The following CFAP61 variants were observed in gnomAD, a reference collection of about 807,000 sequenced individuals.
CFAP61 encodes cilia- and flagella-associated protein 61.
CFAP61 carries 107 observed loss-of-function variants against 135.6 expected under a neutral mutation model. The ratio of observed to expected loss-of-function variants is 0.79; its 90% CI spans 0.67 to 0.93. CFAP61 has a LOEUF of 0.93. CFAP61 is among the 40% of genes least tolerant of loss of function. CFAP61 has a pLI of 0.00. For synonymous variants in CFAP61, 575 were observed against 578.5 expected (o/e 0.99, Z 0.09); for missense variants, 1,507 against 1,556.2 (o/e 0.97, Z 0.53).
intron 25 of CFAP61, among the ~76,000 whole-genome samples, chr20:20,308,047 T>C (rs541906062): frequency 1.9e-3 from 283 of 152,362 alleles, no homozygotes; most frequent in Middle Eastern, 0.01. Context: ...TCATGCATTG[T>C]CGATAATCAC....
At chr20:20,085,532 T>C in intron 6 of CFAP61, 1 of 1,366,406 alleles carries the variant, frequency 7.3e-7, no homozygotes, top group Middle Eastern at 2.1e-4. Context: ...AGAATTCGTG[T>C]TGAGGTATGA....
At chr20:20,180,985 A>T (rs2055021660) in intron 13 of CFAP61, among the ~76,000 whole-genome samples, 1 of 151,892 alleles carries the variant, frequency 6.6e-6, no homozygotes, top group African/African-American at 2.4e-5. Flanking sequence ...GAGGGGAAAA[A>T]CAGACACTGG....
intron 18 of CFAP61, among the ~76,000 whole-genome samples, chr20:20,242,567 T>C (rs1004510360): frequency 6.6e-6 from 1 of 152,232 alleles, no homozygotes; most frequent in African/African-American, 2.4e-5. Flanking sequence ...ATGAGCTTTG[T>C]AACCTTGAAC....
chr20:20,167,771 A>G (rs2053941052), intron 12 of CFAP61, among the ~76,000 whole-genome samples: 1 of 152,184 alleles, frequency 6.6e-6, no homozygotes, highest in Non-Finnish European at 1.5e-5. Context: ...AGGTCAGACA[A>G]TGGTTCACTC....
intron 8 of CFAP61, among the ~76,000 whole-genome samples, chr20:20,106,966 C>T (rs554039347): frequency 1.4e-4 from 22 of 152,240 alleles, no homozygotes; most frequent in South Asian, 1.0e-3. Flanking sequence ...CTAGAAAACA[C>T]GGTGATAGGG....
chr20:20,293,313 T>C (rs1367483476), intron 24 of CFAP61, among the ~76,000 whole-genome samples: 2 of 152,222 alleles, frequency 1.3e-5, no homozygotes, highest in Non-Finnish European at 2.9e-5. Context: ...AATAGATTCT[T>C]TGGCTGGTGC....
chr20:20,203,716 TG>T (rs1423739247), intron 17 of CFAP61, among the ~76,000 whole-genome samples: 1 of 152,194 alleles, frequency 6.6e-6, no homozygotes, highest in Non-Finnish European at 1.5e-5. Flanking sequence ...ACACTTATTT[TG>T]AGGGTGGGTC....
intron 21 of CFAP61, among the ~76,000 whole-genome samples, chr20:20,267,281 C>T (rs930006510): frequency 3.3e-5 from 5 of 152,182 alleles, no homozygotes; most frequent in African/African-American, 4.8e-5. Context: ...CTGTGAAGGG[C>T]AGCAGCAGGA....
chr20:20,128,383 A>G (rs971163534), intron 8 of CFAP61, among the ~76,000 whole-genome samples: 3 of 151,262 alleles, frequency 2.0e-5, no homozygotes, highest in Non-Finnish European at 4.4e-5. Flanking sequence ...CTACCCCTAT[A>G]TTTCGCTCAG....
chr20:20,056,925 C>T, intron 2 of CFAP61, 129 bp downstream of exon 2: 1 of 769,820 alleles, frequency 1.3e-6, no homozygotes. Flanking sequence ...CAAGACCAGC[C>T]TGGCCGACAT....
Position 20,106,553 on chromosome 20 carries a change from A to G in CFAP61, c.859+7739A>G, listed in dbSNP as rs548489354. 9.8e-5 allele frequency among the ~76,000 whole-genome samples: 15 copies of G among 152,288 alleles called. No homozygotes were observed. In the South Asian group the frequency reaches 1.5e-3, roughly 15 times the overall value. On this transcript the variant is annotated intron_variant, in intron 8 of 26. Coordinates refer to ENST00000245957, the MANE Select transcript of CFAP61 (RefSeq NM_015585.4). ...GGTGGAAATACAAGCGCATTTTTGT[A>G]TGGGGCCTGGAGGTCTTCAGAAGAA...
At chr20:20,341,197 T>A (rs1054597430) in intron 25 of CFAP61, among the ~76,000 whole-genome samples, 1 of 152,144 alleles carries the variant, frequency 6.6e-6, no homozygotes, top group Non-Finnish European at 1.5e-5. Context: ...AAAATACCAA[T>A]AAGAGTTCTT....
chr20:20,113,754 A>G (rs138061717), intron 8 of CFAP61, among the ~76,000 whole-genome samples: 1 of 152,182 alleles, frequency 6.6e-6, no homozygotes, highest in African/African-American at 2.4e-5. Flanking sequence ...CTTTCCCCCT[A>G]TTGCAGTACC....
intron 13 of CFAP61, among the ~76,000 whole-genome samples, chr20:20,185,695 G>A (rs2055447032): frequency 6.6e-6 from 1 of 152,202 alleles, no homozygotes; most frequent in South Asian, 2.1e-4. Flanking sequence ...TATCTTAAAT[G>A]TGTTGTCTGA....
chr20:20,119,129 C>T (rs934212625), intron 8 of CFAP61, among the ~76,000 whole-genome samples: 1 of 151,938 alleles, frequency 6.6e-6, no homozygotes, highest in Non-Finnish European at 1.5e-5. Flanking sequence ...TAATGCTGTC[C>T]TCATACAATG....
chr20:20,230,832 G>A (rs1211896609), intron 18 of CFAP61, among the ~76,000 whole-genome samples: 5 of 152,162 alleles, frequency 3.3e-5, no homozygotes, highest in East Asian at 3.9e-4. Flanking sequence ...CTAGGATTAC[G>A]GGCAGGGGCC....
At chr20:20,068,386 G>C (rs1430377675) in intron 2 of CFAP61, among the ~76,000 whole-genome samples, 2 of 152,218 alleles carry the variant, frequency 1.3e-5, no homozygotes, top group Non-Finnish European at 2.9e-5. Context: ...CAGGTAGACG[G>C]AAGTTAAGGG....
chr20:20,314,190 C>G (rs1223999390), intron 25 of CFAP61, among the ~76,000 whole-genome samples: 1 of 143,676 alleles, frequency 7.0e-6, no homozygotes, highest in East Asian at 2.1e-4. Flanking sequence ...TCAAGAGGAG[C>G]CTGGGCAACA....
intron 24 of CFAP61, among the ~76,000 whole-genome samples, chr20:20,295,422 G>A (rs1361474164): frequency 6.6e-6 from 1 of 152,122 alleles, no homozygotes; most frequent in African/African-American, 2.4e-5. Context: ...AGTCTGTGGT[G>A]CGTCCTCTCC....
Sources: allele counts gnomAD v4.1 joint callset (sites outside exome capture counted in the v4.1 genomes callset), GRCh38; gene constraint gnomAD v4.1.1; transcripts MANE v1.5; gene names NCBI Gene and HGNC (gene_info 2026-07-23, HGNC 2026-07-21).